The following SERINC5 variants were observed in gnomAD, a reference collection of about 807,000 sequenced individuals.
The protein encoded by SERINC5 is serine incorporator 5.
SERINC5 carries 41 observed loss-of-function variants against 63.1 expected under a neutral mutation model. That is an observed-to-expected ratio of 0.65 (90% CI 0.51 to 0.84). The LOEUF (loss-of-function observed/expected upper bound fraction) is 0.84. Ranked by LOEUF, SERINC5 falls within the 40% of genes least tolerant of loss-of-function variation. The pLI is 0.00. For synonymous variants in SERINC5, 222 were observed against 215.2 expected (o/e 1.03, Z -0.28); for missense variants, 523 against 573.0 (o/e 0.91, Z 0.89).
chr5:80,196,711 G>A (rs1386730168), intron 2 of SERINC5, among the ~76,000 whole-genome samples: 1 of 152,160 alleles, frequency 6.6e-6, no homozygotes, highest in African/African-American at 2.4e-5. Flanking sequence ...GGCCAAGGCG[G>A]GCAGATCACT....
chr5:80,173,225 A>AGGAAG (rs1385912825), intron 5 of SERINC5, among the ~76,000 whole-genome samples: 1 of 137,748 alleles, frequency 7.3e-6, no homozygotes, highest in Non-Finnish European at 1.6e-5. Flanking sequence ...CAGGAAGGAA[A>AGGAAG]GAAGGAAGGA....
intron 6 of SERINC5, among the ~76,000 whole-genome samples, chr5:80,168,950 A>G (rs1198797163): frequency 6.6e-6 from 1 of 152,180 alleles, no homozygotes; most frequent in African/African-American, 2.4e-5. Context: ...ATGACCCCAG[A>G]ACCAACCCCT....
intron 1 of SERINC5, among the ~76,000 whole-genome samples, chr5:80,218,654 A>C (rs1225005429): frequency 2.0e-5 from 3 of 151,020 alleles, no homozygotes; most frequent in Non-Finnish European, 4.4e-5. Context: ...CAGCCTGGTG[A>C]CAGAGCAAGA....
intron 11 of SERINC5, among the ~76,000 whole-genome samples, chr5:80,129,554 C>T (rs1580028257): frequency 1.3e-5 from 2 of 152,264 alleles, no homozygotes; most frequent in African/African-American, 4.8e-5. Flanking sequence ...CGTGATCCTC[C>T]CACCCCAGCC....
At chr5:80,238,159 C>G (rs1266376276) in intron 1 of SERINC5, among the ~76,000 whole-genome samples, 1 of 151,338 alleles carries the variant, frequency 6.6e-6, no homozygotes, top group Admixed American at 6.6e-5. Context: ...CCGTGGCAAC[C>G]CTCATTCCTC....
intron 7 of SERINC5, among the ~76,000 whole-genome samples, chr5:80,161,779 T>G (rs1236211656): frequency 6.6e-6 from 1 of 152,226 alleles, no homozygotes; most frequent in Admixed American, 6.5e-5. Flanking sequence ...TTATTTCCCT[T>G]GAGCAATATC....
At chr5:80,183,809 C>T (rs951690012) in intron 2 of SERINC5, among the ~76,000 whole-genome samples, 2 of 152,100 alleles carry the variant, frequency 1.3e-5, no homozygotes, top group Non-Finnish European at 2.9e-5. Context: ...ACTCTCTTTT[C>T]GGACTCAGCC....
intron 7 of SERINC5, among the ~76,000 whole-genome samples, chr5:80,161,668 T>C (rs1216153917): frequency 6.6e-5 from 10 of 152,214 alleles, no homozygotes; most frequent in Non-Finnish European, 1.5e-4. Flanking sequence ...CTTCACTCTG[T>C]TGATTATTTC....
chr5:80,186,670 C>G (rs919189841), intron 2 of SERINC5, among the ~76,000 whole-genome samples: 1 of 152,108 alleles, frequency 6.6e-6, no homozygotes, highest in Admixed American at 6.5e-5. Context: ...CTAGCTATGT[C>G]CCTAAAACAA....
intron 2 of SERINC5, among the ~76,000 whole-genome samples, chr5:80,178,560 T>G (rs1411193601): frequency 4.4e-5 from 3 of 67,726 alleles, no homozygotes; most frequent in Non-Finnish European, 7.0e-5. Context: ...TTTTTTTTTT[T>G]GTAGAGATGG....
chr5:80,136,276 C>CA (rs892519758), downstream of SERINC5, among the ~76,000 whole-genome samples: 1 of 134,786 alleles, frequency 7.4e-6, no homozygotes, highest in Non-Finnish European at 1.6e-5. Flanking sequence ...GACCTCGTCT[C>CA]AAAAAAACAA....
In SERINC5 at chr5:80,178,031, T is replaced by A. The variant is rs1393144439; in HGVS notation, c.229A>T (p.Lys77Ter). Residue 77 changes from lysine (K) to a stop codon, truncating the protein, a stop_gained, in exon 3 of 12, where the codon AAA becomes TAA. Transcript: ENST00000507668. LOFTEE classifies it high-confidence loss of function. Reference sequence around the variant, plus strand: ...AGCTTCTCACAGGTGTCACCAGCTTTAATGCCTTTACACATATCTTCAAAA... The same window carrying A: ...AGCTTCTCACAGGTGTCACCAGCTTAAATGCCTTTACACATATCTTCAAAA... ...PFFEDMCKGI[K>*]AGDTCEKLVG... The A allele has an allele frequency of 1.2e-6, 2 of 1,611,226 alleles. No individual in the cohort carries two copies. The highest frequency in any genetic ancestry group is 2.7e-5 in the African/African-American group (2 of 74,772).
intron 2 of SERINC5, among the ~76,000 whole-genome samples, chr5:80,193,139 A>G (rs1470778886): frequency 6.6e-6 from 1 of 152,198 alleles, no homozygotes; most frequent in Non-Finnish European, 1.5e-5. Flanking sequence ...AATTTTTTAA[A>G]CTTTTGAAGA....
chr5:80,212,399 A>C (rs1750473166), intron 1 of SERINC5, among the ~76,000 whole-genome samples: 1 of 152,176 alleles, frequency 6.6e-6, no homozygotes, highest in Non-Finnish European at 1.5e-5. Flanking sequence ...ACAGAGTTCC[A>C]CACCTTTCAG....
At chr5:80,221,901 C>A (rs1270842891) in intron 1 of SERINC5, among the ~76,000 whole-genome samples, 1 of 151,916 alleles carries the variant, frequency 6.6e-6, no homozygotes, top group African/African-American at 2.4e-5. Flanking sequence ...AATCCCAGCA[C>A]TTAGGGAGGC....
chr5:80,163,518 TTTAAG>T (rs1231293841), intron 7 of SERINC5, among the ~76,000 whole-genome samples: 2 of 152,220 alleles, frequency 1.3e-5, no homozygotes, highest in African/African-American at 4.8e-5. Context: ...CTTCTATTAT[TTTAAG>T]TTATGTTCCT....
chr5:80,200,215 C>T (rs144951347), intron 2 of SERINC5, among the ~76,000 whole-genome samples: 49 of 152,160 alleles, frequency 3.2e-4, no homozygotes, highest in African/African-American at 1.0e-3. Context: ...CAGTGGCTCA[C>T]GCCTGTAATC....
intron 1 of SERINC5, among the ~76,000 whole-genome samples, chr5:80,208,382 A>C (rs972206750): frequency 7.9e-5 from 12 of 151,954 alleles, no homozygotes; most frequent in African/African-American, 2.7e-4. Context: ...AAAAAAAAAA[A>C]AAAACCTAAG....
At chr5:80,165,358 A>G (rs1011154561) in intron 7 of SERINC5, among the ~76,000 whole-genome samples, 2 of 152,232 alleles carry the variant, frequency 1.3e-5, no homozygotes, top group Non-Finnish European at 2.9e-5. Flanking sequence ...AATTTAAAAG[A>G]GGAAACAACT....
Sources: allele counts gnomAD v4.1 joint callset (sites outside exome capture counted in the v4.1 genomes callset), GRCh38; gene constraint gnomAD v4.1.1; transcripts MANE v1.5; gene names NCBI Gene and HGNC (gene_info 2026-07-23, HGNC 2026-07-21).